SEC24D: variants seen among roughly 807,000 people sequenced by gnomAD.
The protein encoded by SEC24D is SEC24 homolog D, COPII component.
SEC24D carries 69 observed loss-of-function variants against 116.9 expected under a neutral mutation model. The observed-to-expected ratio is 0.59, with a 90% CI of 0.49 to 0.72. The LOEUF (loss-of-function observed/expected upper bound fraction) is 0.72. Ranked by LOEUF, SEC24D falls within the 30% of genes least tolerant of loss-of-function variation. SEC24D has a pLI of 0.00. For synonymous variants in SEC24D, 405 were observed against 442.8 expected, an observed-to-expected ratio of 0.91 and a Z score of 1.07; for missense variants, 1,131 against 1,264.1, an observed-to-expected ratio of 0.89 and a Z score of 1.60.
At chr4:118,776,515 A>C (rs1027516635) in intron 8 of SEC24D, among the ~76,000 whole-genome samples, 4 of 152,218 alleles carry the variant, frequency 2.6e-5, no homozygotes, top group Non-Finnish European at 5.9e-5. Flanking sequence ...GTTCATAACT[A>C]AACTATCAAT....
intron 2 of SEC24D, among the ~76,000 whole-genome samples, chr4:118,831,227 C>G (rs111284454): frequency 4.3e-4 from 65 of 152,266 alleles, no homozygotes; most frequent in African/African-American, 1.5e-3. Context: ...CCGGGATTCA[C>G]CATGTTGGCC....
intron 9 of SEC24D, among the ~76,000 whole-genome samples, chr4:118,765,725 A>G (rs1727610384): frequency 6.6e-6 from 1 of 152,128 alleles, no homozygotes; most frequent in Non-Finnish European, 1.5e-5. Flanking sequence ...AAAACCATAC[A>G]AATAATGCTT....
chr4:118,807,124 A>G (rs1333910955), intron 6 of SEC24D, among the ~76,000 whole-genome samples: 2 of 152,210 alleles, frequency 1.3e-5, no homozygotes, highest in African/African-American at 4.8e-5. Context: ...TTGATCTTCA[A>G]TTTGCTTTTC....
At chr4:118,804,196 T>TAA (rs1218097998) in intron 7 of SEC24D, among the ~76,000 whole-genome samples, 2 of 152,196 alleles carry the variant, frequency 1.3e-5, no homozygotes, top group African/African-American at 2.4e-5. Context: ...TTAGAAGAAC[T>TAA]AAATGTTTCC....
intron 3 of SEC24D, 39 bp downstream of exon 3, chr4:118,824,581 G>A (rs1730520077): frequency 1.9e-6 from 3 of 1,577,900 alleles, no homozygotes; most frequent in South Asian, 1.2e-5. Context: ...ATAATTTTAG[G>A]AGAATATACA....
intron 8 of SEC24D, among the ~76,000 whole-genome samples, chr4:118,793,545 G>C (rs1296650838): frequency 6.7e-6 from 1 of 150,348 alleles, no homozygotes; most frequent in Non-Finnish European, 1.5e-5. Flanking sequence ...AGCTGGTGTA[G>C]TAGAGCAGCA....
chr4:118,756,606 C>T (rs907845667), intron 11 of SEC24D, among the ~76,000 whole-genome samples: 3 of 152,040 alleles, frequency 2.0e-5, no homozygotes, highest in African/African-American at 7.2e-5. Context: ...AACAACCCAC[C>T]CTCCAGAAAA....
At chr4:118,757,902 T>A (rs1160079511) in intron 10 of SEC24D, 57 bp from the exon 11 acceptor site, 1 of 1,397,606 alleles carries the variant, frequency 7.2e-7, no homozygotes, top group East Asian at 2.4e-5. Context: ...TAATCAAATG[T>A]CAATACTCAT....
chr4:118,741,076 A>C, intron 15 of SEC24D, 39 bp from the exon 16 acceptor site: 1 of 1,014,100 alleles, frequency 9.9e-7, no homozygotes, highest in Admixed American at 2.5e-5. Flanking sequence ...ACCAGATGGC[A>C]GTAAAATACT....
chr4:118,820,118 AT>A (rs1265604707), intron 3 of SEC24D, among the ~76,000 whole-genome samples: 1 of 152,122 alleles, frequency 6.6e-6, no homozygotes, highest in East Asian at 1.9e-4. Flanking sequence ...CCTCATATAA[AT>A]GCCTCACATA....
intron 13 of SEC24D, among the ~76,000 whole-genome samples, chr4:118,747,978 A>C (rs180853674): frequency 6.6e-6 from 1 of 152,242 alleles, no homozygotes; most frequent in Admixed American, 6.5e-5. Flanking sequence ...AATATTACCT[A>C]TAGTAGGCCG....
intron 8 of SEC24D, among the ~76,000 whole-genome samples, chr4:118,781,913 C>T (rs558139261): frequency 6.6e-6 from 1 of 152,296 alleles, no homozygotes; most frequent in Admixed American, 6.5e-5. Context: ...GTAGTTTTCG[C>T]ACCATGGTTT....
At chr4:118,735,847 C>G (rs903795526) in intron 19 of SEC24D, 1 of 151,884 alleles carries the variant, frequency 6.6e-6, no homozygotes, top group Admixed American at 6.6e-5. Context: ...GCATGTACCA[C>G]TACACCTGGC....
chr4:118,780,692 C>T (rs1291833457), intron 8 of SEC24D, among the ~76,000 whole-genome samples: 2 of 150,994 alleles, frequency 1.3e-5, no homozygotes, highest in Non-Finnish European at 3.0e-5. Flanking sequence ...TCTAAAAAGT[C>T]TCCCATTATT....
chr4:118,754,350 A>C (rs1271891577), intron 11 of SEC24D, among the ~76,000 whole-genome samples: 2 of 151,872 alleles, frequency 1.3e-5, no homozygotes, highest in South Asian at 2.1e-4. Context: ...CCCAACCCCC[A>C]CCCGATTCAT....
At chr4:118,800,466 C>T (rs1479816840) in intron 7 of SEC24D, among the ~76,000 whole-genome samples, 4 of 152,078 alleles carry the variant, frequency 2.6e-5, no homozygotes, top group African/African-American at 9.7e-5. Context: ...GTTTTTAGGA[C>T]AAACTGGAAA....
chr4:118,766,349 A>T (rs1028487767), intron 9 of SEC24D, among the ~76,000 whole-genome samples: 8 of 152,200 alleles, frequency 5.3e-5, no homozygotes, highest in Non-Finnish European at 8.8e-5. Context: ...TGGAATCACT[A>T]AAGCAAGCCT....
chr4:118,736,681 A>C (rs374002692), intron 19 of SEC24D: 17 of 174,018 alleles, frequency 9.8e-5, no homozygotes, highest in African/African-American at 4.1e-4. Flanking sequence ...TCTAGACTCC[A>C]TGATGGTTAA....
chr4:118,777,185 A>G (rs1728176771), intron 8 of SEC24D, among the ~76,000 whole-genome samples: 1 of 152,146 alleles, frequency 6.6e-6, no homozygotes, highest in African/African-American at 2.4e-5. Flanking sequence ...TTACATAGGT[A>G]TACATGTGCC....
Sources: allele counts gnomAD v4.1 joint callset (sites outside exome capture counted in the v4.1 genomes callset), GRCh38; gene constraint gnomAD v4.1.1; transcripts MANE v1.5; gene names NCBI Gene and HGNC (gene_info 2026-07-23, HGNC 2026-07-21).